Variants in ST6GAL2 observed in about 807,000 individuals in gnomAD.
ST6GAL2 encodes beta-galactoside alpha-2,6-sialyltransferase 2.
ST6GAL2 carries 24 observed loss-of-function variants against 37.5 expected under a neutral mutation model. The observed-to-expected ratio is 0.64, with a 90% confidence interval of 0.46 to 0.90. ST6GAL2 has a LOEUF of 0.90. Among genes scored for constraint, ST6GAL2 ranks in the 40% least tolerant of loss-of-function variants. The pLI is 0.00. For missense variants in ST6GAL2, 715 were observed against 712.7 expected (o/e 1.00, Z -0.04); for synonymous variants, 306 against 295.1 (o/e 1.04, Z -0.38).
chr2:106,883,370 G>C (rs1047455145), intron 1 of ST6GAL2, among the ~76,000 whole-genome samples: 1 of 152,156 alleles, frequency 6.6e-6, no homozygotes, highest in African/African-American at 2.4e-5. Flanking sequence ...AAAATGGTAG[G>C]TATATTAAAC....
intron 2 of ST6GAL2, among the ~76,000 whole-genome samples, chr2:106,837,174 G>A (rs1270024878): frequency 6.6e-6 from 1 of 152,102 alleles, no homozygotes; most frequent in African/African-American, 2.4e-5. Flanking sequence ...TTCTTTTCAA[G>A]TTAAAATTGT....
chr2:106,847,773 C>T (rs912777881), intron 1 of ST6GAL2, among the ~76,000 whole-genome samples: 4 of 152,152 alleles, frequency 2.6e-5, no homozygotes, highest in Non-Finnish European at 5.9e-5. Flanking sequence ...AGGATGCACA[C>T]AGGGTGAGAT....
intron 1 of ST6GAL2, among the ~76,000 whole-genome samples, chr2:106,856,112 T>C (rs1422871655): frequency 1.3e-5 from 2 of 152,230 alleles, no homozygotes; most frequent in Non-Finnish European, 2.9e-5. Flanking sequence ...AGAGTTGTCA[T>C]AGAATAACAT....
intron 2 of ST6GAL2, among the ~76,000 whole-genome samples, chr2:106,841,482 C>T (rs527697705): frequency 7.9e-5 from 12 of 152,280 alleles, no homozygotes; most frequent in South Asian, 6.2e-4. Flanking sequence ...TACTGCTCCT[C>T]GTACAGAATC....
intron 2 of ST6GAL2, among the ~76,000 whole-genome samples, chr2:106,838,749 C>T (rs528888569): frequency 5.3e-5 from 8 of 152,272 alleles, no homozygotes; most frequent in African/African-American, 1.9e-4. Context: ...ATAAAAAGCA[C>T]TTTGGGTTGG....
chr2:106,851,106 C>T (rs1677341574), intron 1 of ST6GAL2, among the ~76,000 whole-genome samples: 1 of 152,190 alleles, frequency 6.6e-6, no homozygotes, highest in South Asian at 2.1e-4. Flanking sequence ...CTTTCCACTG[C>T]AATTCTAACA....
chr2:106,816,248 T>A (rs1675797210), intron 5 of ST6GAL2, among the ~76,000 whole-genome samples: 1 of 152,210 alleles, frequency 6.6e-6, no homozygotes, highest in African/African-American at 2.4e-5. Flanking sequence ...GTGAAAGCTT[T>A]GGACACATAC....
chr2:106,809,623 C>G (rs893939794), intron 5 of ST6GAL2, among the ~76,000 whole-genome samples: 1 of 152,204 alleles, frequency 6.6e-6, no homozygotes, highest in African/African-American at 2.4e-5. Flanking sequence ...TGATCAAATG[C>G]AGGTTCCTGG....
At chr2:106,836,738 A>T (rs1035812669) in intron 2 of ST6GAL2, among the ~76,000 whole-genome samples, 2 of 137,134 alleles carry the variant, frequency 1.5e-5, no homozygotes, top group Non-Finnish European at 3.0e-5. Flanking sequence ...GACCAGCCTG[A>T]CCACCATGGA....
chr2:106,848,225 G>A (rs1008996386), intron 1 of ST6GAL2, among the ~76,000 whole-genome samples: 6 of 151,994 alleles, frequency 3.9e-5, no homozygotes, highest in Non-Finnish European at 5.9e-5. Flanking sequence ...CCAAGCTGAA[G>A]CTATCTGGGG....
chr2:106,836,961 A>AAAAAAAAG (rs1676673158), intron 2 of ST6GAL2, among the ~76,000 whole-genome samples: 1 of 150,284 alleles, frequency 6.7e-6, no homozygotes, highest in South Asian at 2.1e-4. Context: ...AAAAAAAAAA[A>AAAAAAAAG]AGAATTGAAA....
chr2:106,829,320 A>C (rs1305177094), intron 5 of ST6GAL2, among the ~76,000 whole-genome samples: 1 of 152,226 alleles, frequency 6.6e-6, no homozygotes, highest in South Asian at 2.1e-4. Context: ...AGAAACTGGC[A>C]GTGGCAGAGA....
chr2:106,877,891 A>G (rs1678573377), intron 1 of ST6GAL2, among the ~76,000 whole-genome samples: 1 of 152,236 alleles, frequency 6.6e-6, no homozygotes, highest in Non-Finnish European at 1.5e-5. Flanking sequence ...GAACAGTTCT[A>G]AGGAACAGCC....
chr2:106,832,217 C>T (rs966074519), intron 4 of ST6GAL2, among the ~76,000 whole-genome samples: 1 of 152,222 alleles, frequency 6.6e-6, no homozygotes, highest in Non-Finnish European at 1.5e-5. Context: ...GGTCTTCCAA[C>T]TACTTGAAAG....
In ST6GAL2 at chr2:106,807,505, G is replaced by A. The variant is rs570944853; in HGVS notation, c.1319-556C>T. On this transcript the variant is annotated intron_variant, in intron 5 of 5. Transcript: ENST00000409382. ...GAATGGAAAGAAATGGAGTTAAAGC[G>A]ACAGAGTTTAAGATTCATATTAACA... 2.8e-4 allele frequency among the ~76,000 whole-genome samples: 43 copies of A among 152,264 alleles called. No individual in the cohort carries two copies. The South Asian group carries it at 6.6e-3, about 23-fold the overall frequency.
chr2:106,840,223 T>A (rs1676820396), intron 2 of ST6GAL2, among the ~76,000 whole-genome samples: 1 of 152,224 alleles, frequency 6.6e-6, no homozygotes, highest in Non-Finnish European at 1.5e-5. Flanking sequence ...TTGATCTTCA[T>A]TTAGCCAATT....
At chr2:106,854,480 C>A (rs7591237) in intron 1 of ST6GAL2, among the ~76,000 whole-genome samples, 1 of 152,192 alleles carries the variant, frequency 6.6e-6, no homozygotes, top group East Asian at 1.9e-4. Context: ...GGATTTCACT[C>A]TATATTAGTG....
rs755704412 is a variant in ST6GAL2, at chr2:106,834,052, C to T, written c.1038G>A (p.Ser346=). 1.2e-5 allele frequency: 20 copies of T among 1,609,544 alleles called. No individual in the cohort carries two copies. The highest frequency in any genetic ancestry group is 7.7e-5 in the South Asian group (7 of 90,902). ...GAAAACACTCCATCTGTCTTACCTG[C>T]GAATTAATGATGCGTATGGTGGTTT... The part of the protein sequence containing the change: ...GNKTTIRIIN[S]QILTNPSHHF... The change falls in exon 3 of 6, where the codon TCG becomes TCA. Residue 346 remains serine, a synonymous_variant. Coordinates refer to ENST00000409382, the MANE Select transcript of ST6GAL2 (RefSeq NM_001142351.2).
chr2:106,829,935 A>G (rs1172854276), intron 5 of ST6GAL2, 131 bp downstream of exon 5: 6 of 886,276 alleles, frequency 6.8e-6, no homozygotes, highest in Non-Finnish European at 8.6e-6. Context: ...ATCCAAAATC[A>G]GAAATACTTC....
Sources: allele counts gnomAD v4.1 joint callset (sites outside exome capture counted in the v4.1 genomes callset), GRCh38; gene constraint gnomAD v4.1.1; transcripts MANE v1.5; gene names NCBI Gene and HGNC (gene_info 2026-07-23, HGNC 2026-07-21).